Variants in RUNX3 observed in about 807,000 individuals in gnomAD.
RUNX3 encodes the protein runt-related transcription factor 3.
Under a neutral mutation model 27.7 loss-of-function variants are expected in RUNX3, and 10 were observed. The ratio of observed to expected loss-of-function variants is 0.36; its 90% CI spans 0.22 to 0.61. RUNX3 has a LOEUF of 0.61. Ranked by LOEUF, RUNX3 falls within the 20% of genes least tolerant of loss-of-function variation. The probability of loss-of-function intolerance (pLI) is 0.72; values close to 1 mark genes in which losing one functional copy is unlikely to be tolerated. For missense variants in RUNX3, 469 were observed against 629.5 expected (o/e 0.75, Z 2.73); for synonymous variants, 270 against 269.2 (o/e 1.00, Z -0.03).
intron 2 of RUNX3, among the ~76,000 whole-genome samples, chr1:24,953,345 C>T (rs568213482): frequency 9.1e-6 from 1 of 109,878 alleles, no homozygotes; most frequent in African/African-American, 3.6e-5. Context: ...GCCTGGGCGA[C>T]AGAGCCAGAC....
chr1:24,941,168 G>A (rs1641470749), intron 2 of RUNX3, among the ~76,000 whole-genome samples: 1 of 152,070 alleles, frequency 6.6e-6, no homozygotes, highest in South Asian at 2.1e-4. Flanking sequence ...CCTCATCATG[G>A]CAACCCCCAC....
At position 24,927,796 on chromosome 1, in the gene RUNX3, G is replaced by C. The variant is rs764465311; in HGVS notation, c.283-66C>G. On this transcript the variant is annotated intron_variant, in intron 1 of 4. Transcript: ENST00000308873. The surrounding 1 kb of genome is among the most constrained non-coding windows in gnomAD (Gnocchi z 5.0). The stretch of plus-strand genomic sequence containing the variant: ...AAAGGAAGAGGGTGACCAGGGAAAG[G>C]AGGGGAGGGGCTGGGCTGGGCAGCT... 96 of 1,471,326 alleles carry C rather than the reference G, an allele frequency of 6.5e-5. No individual in the cohort carries two copies. The highest frequency in any genetic ancestry group is 8.6e-5 in the Non-Finnish European group (90 of 1,052,622). The allele number at this position is 1,471,326 out of a possible 1,614,324, so 91.1% of individuals were successfully genotyped here.
intron 1 of RUNX3, chr1:24,929,299 G>C (rs896399005): frequency 9.2e-6 from 6 of 653,940 alleles, no homozygotes. Context: ...GGTTAGGGGG[G>C]CGCAAAACCC....
At chr1:24,920,904 T>C (rs1640986231) in intron 2 of RUNX3, among the ~76,000 whole-genome samples, 1 of 152,186 alleles carries the variant, frequency 6.6e-6, no homozygotes, top group Admixed American at 6.5e-5. Context: ...CTATTCTCTA[T>C]TACGATCCAC....
chr1:24,964,605 C>T (rs1413645455), exon 2 of RUNX3: 1 of 1,594,992 alleles, frequency 6.3e-7, no homozygotes, highest in Non-Finnish European at 8.5e-7. Context: ...ATTTTCAGCC[C>T]TTCAGGGGGT....
rs1299611789 is a variant in RUNX3, at chr1:24,902,117, G to C, written c.*5C>G. On this transcript the variant is annotated 3_prime_UTR_variant, in exon 5 of 5. Transcript: ENST00000308873. This position sits in a 1 kb window ranked among gnomAD's most constrained non-coding sequence, Gnocchi z 9.2. ...GCCTCCAGCGGGAGGAGTCCACCAG[G>C]GCGGTCAGTAGGGCCGCCACACGGC... 1.3e-6 allele frequency: 2 copies of C among 1,530,976 alleles called. No homozygotes were observed. The highest frequency in any genetic ancestry group is 1.8e-6 in the Non-Finnish European group (2 of 1,136,916). The allele number at this position is 1,530,976 out of a possible 1,614,324, so 94.8% of individuals were successfully genotyped here. A position where few individuals can be genotyped will look rare whatever the true frequency, so the allele number is the denominator to read the frequency against.
chr1:24,907,506 G>A, intron 3 of RUNX3, 89 bp from the exon 4 acceptor site: 3 of 1,367,182 alleles, frequency 2.2e-6, no homozygotes, highest in East Asian at 2.5e-5. Context: ...AGTTCTTCCT[G>A]AGGTCTGACC....
At chr1:24,959,151 G>C (rs1363167918) in intron 2 of RUNX3, among the ~76,000 whole-genome samples, 2 of 152,246 alleles carry the variant, frequency 1.3e-5, no homozygotes, top group Admixed American at 1.3e-4. Flanking sequence ...AACCGAGGGA[G>C]CCTCCGCTTT....
At chr1:24,906,206 C>T (rs1043831789) in intron 4 of RUNX3, among the ~76,000 whole-genome samples, 3 of 152,178 alleles carry the variant, frequency 2.0e-5, no homozygotes, top group Admixed American at 2.0e-4. Context: ...TGTTCCAGGC[C>T]CCTTTATCTG....
chr1:24,929,205 C>A, intron 1 of RUNX3: 1 of 501,252 alleles, frequency 2.0e-6, no homozygotes, highest in South Asian at 1.5e-5. Flanking sequence ...GCCCTTTCAC[C>A]GTTCGCACCC....
chr1:24,939,800 GA>G (rs1214985727), intron 2 of RUNX3, among the ~76,000 whole-genome samples: 1 of 152,262 alleles, frequency 6.6e-6, no homozygotes, highest in African/African-American at 2.4e-5. Flanking sequence ...AAGGCAGTGG[GA>G]GGGGAGAAGT....
chr1:24,951,186 C>G lies in RUNX3; in HGVS notation c.58+13328G>C, dbSNP rs1484935090. ...ATGCCACTGCACTCCAGTCTGGCAA[C>G]AGAGAGAGACTCCATCTCAAAAAAA... On this transcript the variant is annotated intron_variant, in intron 2 of 6. Coordinates refer to the RUNX3 transcript ENST00000338888. Among the ~76,000 whole-genome samples the G allele has an allele frequency of 1.3e-4, 15 of 115,938 alleles. No homozygotes were observed. In the East Asian group the frequency reaches 3.7e-3, roughly 29 times the overall value. 76.1% of individuals were successfully genotyped at this position (115,938 alleles called of 152,430 possible).
chr1:24,964,576 C>T (rs748475526), exon 2 of RUNX3: 14 of 1,609,456 alleles, frequency 8.7e-6, no homozygotes, highest in African/African-American at 8.0e-5. Context: ...TGCCATGCCC[C>T]GCTCTGAAGA....
chr1:24,939,839 G>C (rs936068711), intron 2 of RUNX3, among the ~76,000 whole-genome samples: 1 of 152,232 alleles, frequency 6.6e-6, no homozygotes, highest in African/African-American at 2.4e-5. Flanking sequence ...GGTGCCCCAC[G>C]GCAGCATGGG....
intron 3 of RUNX3, among the ~76,000 whole-genome samples, chr1:24,911,889 C>T (rs541932882): frequency 3.9e-5 from 6 of 152,334 alleles, no homozygotes; most frequent in South Asian, 2.1e-4. Flanking sequence ...CCTTGCCCTC[C>T]GTAGGGCAGA....
At chr1:24,933,393 C>G (rs3845302), upstream of RUNX3, among the ~76,000 whole-genome samples, 80,558 of 152,124 alleles carry the variant, frequency 0.53, 21,605 homozygotes, top group South Asian at 0.59. Flanking sequence ...CTCCAGCCTC[C>G]GGGAGCCATC....
At chr1:24,941,760 C>G (rs924155275) in intron 2 of RUNX3, among the ~76,000 whole-genome samples, 1 of 152,158 alleles carries the variant, frequency 6.6e-6, no homozygotes, top group South Asian at 2.1e-4. Flanking sequence ...GATGCTAGCC[C>G]TGTGTGATGA....
At chr1:24,924,706 T>C (rs1208347854) in intron 2 of RUNX3, among the ~76,000 whole-genome samples, 1 of 152,220 alleles carries the variant, frequency 6.6e-6, no homozygotes, top group African/African-American at 2.4e-5. Context: ...TTTCCCTTTT[T>C]TTCTCCATCA....
chr1:24,954,684 C>G (rs1641868395), intron 2 of RUNX3, among the ~76,000 whole-genome samples: 1 of 152,244 alleles, frequency 6.6e-6, no homozygotes, highest in African/African-American at 2.4e-5. Flanking sequence ...TCGCCCTTGT[C>G]CTTGTCCAAC....
Sources: gnomAD v4.1 joint callset for allele counts (sites outside exome capture counted in the v4.1 genomes callset) on GRCh38, gnomAD v4.1.1 for gene constraint, Gnocchi (gnomAD v3.1) non-coding constraint, MANE v1.5 for transcripts, NCBI Gene and HGNC (gene_info 2026-07-23, HGNC 2026-07-21) for gene names.